ZNF639: variants seen among roughly 807,000 people sequenced by gnomAD.
ZNF639 encodes zinc finger amplified in esophageal squamous cell carcinomas 1.
ZNF639 carries 20 observed loss-of-function variants against 39.8 expected under a neutral mutation model. The observed-to-expected ratio is 0.50, with a 90% confidence interval of 0.35 to 0.73. ZNF639 has a LOEUF of 0.73. Among genes scored for constraint, ZNF639 ranks in the 30% least tolerant of loss-of-function variants. ZNF639 has a pLI of 0.00. For missense variants in ZNF639, 477 were observed against 566.2 expected, an observed-to-expected ratio of 0.84 and a Z score of 1.60; for synonymous variants, 176 against 189.8, an observed-to-expected ratio of 0.93 and a Z score of 0.60.
intron 4 of ZNF639, among the ~76,000 whole-genome samples, chr3:179,332,058 C>T (rs1305937346): frequency 1.3e-5 from 2 of 152,206 alleles, no homozygotes; most frequent in Non-Finnish European, 2.9e-5. Context: ...CCACAGCCAA[C>T]AATAGCATAG....
At chr3:179,323,365 C>G (rs1314492447) in intron 1 of ZNF639, 74 bp downstream of exon 1, 6 of 985,646 alleles carry the variant, frequency 6.1e-6, no homozygotes, top group Non-Finnish European at 7.2e-6. Context: ...GGCGCATCTT[C>G]TAACGGGAGA....
chr3:179,325,746 A>C (rs1290478274), intron 1 of ZNF639, among the ~76,000 whole-genome samples: 2 of 151,948 alleles, frequency 1.3e-5, no homozygotes, highest in Non-Finnish European at 2.9e-5. Flanking sequence ...ACAAAAAATT[A>C]GCCGGGCGCC....
At chr3:179,331,123 T>TA (rs1727879933) in intron 4 of ZNF639, among the ~76,000 whole-genome samples, 1 of 151,990 alleles carries the variant, frequency 6.6e-6, no homozygotes. Context: ...GGAAAGTACT[T>TA]AAAAAAACCT....
chr3:179,326,925 C>T (rs1727626689), intron 1 of ZNF639, among the ~76,000 whole-genome samples: 1 of 152,026 alleles, frequency 6.6e-6, no homozygotes, highest in Non-Finnish European at 1.5e-5. Context: ...CAAGGTGACT[C>T]ACGCCTGTAA....
In ZNF639 at chr3:179,336,871, G is replaced by T. The variant is rs960250160; in HGVS notation, c.*2449G>T. On this transcript the variant is annotated 3_prime_UTR_variant, in exon 6 of 6. Coordinates refer to ENST00000496856, the MANE Select transcript of ZNF639 (RefSeq NM_001303426.2). Reference sequence around the variant, plus strand: ...TTTTATACATCTAGCTCCAGGAATTGGATTTTTGGAAAAACACCTTAAGTA... The same window carrying T: ...TTTTATACATCTAGCTCCAGGAATTTGATTTTTGGAAAAACACCTTAAGTA... The T allele has an allele frequency of 3.3e-5, 5 of 152,136 alleles. No homozygotes were observed. The highest frequency in any genetic ancestry group is 1.2e-4 in the African/African-American group (5 of 41,420). 9.4% of individuals were successfully genotyped at this position (152,136 alleles called of 1,614,324 possible).
At chr3:179,326,039 G>C (rs937778015) in intron 1 of ZNF639, among the ~76,000 whole-genome samples, 9 of 148,836 alleles carry the variant, frequency 6.0e-5, no homozygotes, top group Non-Finnish European at 8.9e-5. Context: ...TTGGTGTTAA[G>C]AGCATTATAG....
intron 4 of ZNF639, among the ~76,000 whole-genome samples, chr3:179,332,065 A>AT (rs1727948913): frequency 6.6e-6 from 1 of 152,242 alleles, no homozygotes; most frequent in African/African-American, 2.4e-5. Flanking sequence ...CAACAATAGC[A>AT]TAGAGAGACA....
Position 179,333,732 on chromosome 3 carries a change from A to G in ZNF639, c.768A>G (p.Glu256=), listed in dbSNP as rs781692840. ...TGATAGAACATGCCAAACTGCATGA[A>G]GAGGATCCCTACATTTGTAAATACT... ...MLLIEHAKLH[E]EDPYICKYCD... Residue 256 remains glutamate (E), a synonymous_variant, in exon 6 of 6, where the codon GAA becomes GAG. Transcript: ENST00000496856. 1.2e-6 allele frequency: 2 copies of G among 1,614,204 alleles called. No individual in the cohort carries two copies. Among genetic ancestry groups the G allele is most frequent in the South Asian group, 1.1e-5 (1 of 91,078 alleles).
rs2108509813 is a variant in ZNF639, at chr3:179,335,300, C to T, written c.*878C>T. Reference sequence around the variant, plus strand: ...AGAGATGAGATCTCGCTATGTTGCCCAGGCCAGTCTCAAACTCCTGGACTC... The same window carrying T: ...AGAGATGAGATCTCGCTATGTTGCCTAGGCCAGTCTCAAACTCCTGGACTC... On this transcript the variant is annotated 3_prime_UTR_variant, in exon 6 of 6. Transcript: ENST00000496856. 6.6e-6 allele frequency: 1 copy of T among 152,334 alleles called. No individual in the cohort carries two copies. The highest frequency in any genetic ancestry group is 2.1e-4 in the South Asian group (1 of 4,820). The allele number at this position is 152,334 out of a possible 1,614,324, so 9.4% of individuals were successfully genotyped here.
chr3:179,323,814 C>G (rs1365286077), intron 1 of ZNF639: 2 of 152,116 alleles, frequency 1.3e-5, no homozygotes, highest in Non-Finnish European at 2.9e-5. Flanking sequence ...CCCAAAGCCT[C>G]CAGCCTGAGA....
At position 179,336,182 on chromosome 3, in the gene ZNF639, A is replaced by G. The variant is rs73043441; in HGVS notation, c.*1760A>G. 0.19 allele frequency: 28,212 copies of G among 152,104 alleles called. 2,666 individuals are homozygous for G. The highest frequency in any genetic ancestry group is 0.24 in the Admixed American group (3,649 of 15,280). 9.4% of individuals were successfully genotyped at this position (152,104 alleles called of 1,614,324 possible). A position where few individuals can be genotyped will look rare whatever the true frequency, so the allele number is the denominator to read the frequency against. On this transcript the variant is annotated 3_prime_UTR_variant, in exon 6 of 6. Transcript: ENST00000496856. ...TTTTAACTTAAAGACCTGATCTCCAAATAAGGTCATATTCTAAGGTGCTGA... is the reference window on the plus strand; with the variant it reads ...TTTTAACTTAAAGACCTGATCTCCAGATAAGGTCATATTCTAAGGTGCTGA...
Position 179,334,075 on chromosome 3 carries a change from A to G in ZNF639, c.1111A>G (p.Lys371Glu), listed in dbSNP as rs1728081164. 2 of 1,613,626 alleles carry G rather than the reference A, an allele frequency of 1.2e-6. No homozygotes were observed. Among genetic ancestry groups the G allele is most frequent in the Non-Finnish European group, 1.7e-6 (2 of 1,179,768 alleles). ...AAGCAAAATTACCTTTGACAAATGT[A>G]AAAACTTCTTTGTATGTCAAGTATG... ...LLSKITFDKCKNFFVCQVCGF... is the reference protein window; with the variant it reads ...LLSKITFDKCENFFVCQVCGF... The change falls in exon 6 of 6, where the codon AAA becomes GAA. Residue 371 changes from lysine (K) to glutamate (E), a missense_variant. Physicochemically the swap from Lys to Glu is moderately conservative, Grantham distance 56 (BLOSUM62 1). Transcript: ENST00000496856.
intron 4 of ZNF639, among the ~76,000 whole-genome samples, chr3:179,330,207 G>A (rs1053516370): frequency 8.6e-5 from 13 of 151,926 alleles, no homozygotes; most frequent in African/African-American, 1.4e-4. Context: ...CACCGTGCCC[G>A]GCTGTAATTT....
chr3:179,332,927 G>C lies in ZNF639; in HGVS notation c.170-62G>C. 2.0e-6 allele frequency: 3 copies of C among 1,470,804 alleles called. 1 individual carries two copies. The highest frequency in any genetic ancestry group is 2.9e-5 in the South Asian group (2 of 68,564). The allele number at this position is 1,470,804 out of a possible 1,614,324, so 91.1% of individuals were successfully genotyped here. On this transcript the variant is annotated intron_variant, in intron 4 of 5. Transcript: ENST00000496856. Reference sequence around the variant, plus strand: ...AATCATATTTAAAAATTGATGCTTTGTTCTATAATTAATGCTTTGATTGTA... The same window carrying C: ...AATCATATTTAAAAATTGATGCTTTCTTCTATAATTAATGCTTTGATTGTA...
rs1489615070 is a variant in ZNF639 at position 179,328,368 on chromosome 3, T to C, written c.58+17T>C. 2 of 1,551,264 alleles carry C rather than the reference T, an allele frequency of 1.3e-6. No individual in the cohort carries two copies. The highest frequency in any genetic ancestry group is 1.7e-6 in the Non-Finnish European group (2 of 1,145,278). On this transcript the variant is annotated intron_variant, in intron 3 of 5. Coordinates refer to ENST00000496856, the MANE Select transcript of ZNF639 (RefSeq NM_001303426.2). ...GTTATTCAGGTCAGTGTATAATTAT[T>C]TTAAAGTTGGGTATGGATTAATTCC...
In ZNF639 at chr3:179,326,230, G is replaced by A. The variant is rs913853160; in HGVS notation, c.-82-1331G>A. Among the ~76,000 whole-genome samples, 3 of 152,044 alleles carry A rather than the reference G, an allele frequency of 2.0e-5. 1 individual carries two copies. The highest frequency in any genetic ancestry group is 4.4e-5 in the Non-Finnish European group (3 of 68,016). ...CCTGTAATCCCAGCCTCCTGCTGGC[G>A]GGCGCCCGTAATCCCGGCCACTCAG... On this transcript the variant is annotated intron_variant, in intron 1 of 5. Transcript: ENST00000496856.
rs775003985 is a variant in ZNF639, at chr3:179,334,234, T to A, written c.1270T>A (p.Ser424Thr). The A allele has an allele frequency of 2.0e-5, 33 of 1,612,670 alleles. No individual in the cohort carries two copies. The highest frequency in any genetic ancestry group is 2.4e-5 in the Non-Finnish European group (28 of 1,179,262). The change falls in exon 6 of 6, where the codon TCA becomes ACA. Residue 424 changes from serine to threonine, a missense_variant. Transcript: ENST00000496856. ...GCTAGAATATTGCAAGCATTTAAAT[T>A]CACATTTATCTGAAGGGATTTATTT... is the stretch of plus-strand genomic sequence containing the variant. Reference protein sequence around the residue: ...SMLEYCKHLNSHLSEGIYLCQ... With the variant: ...SMLEYCKHLNTHLSEGIYLCQ...
intron 1 of ZNF639, among the ~76,000 whole-genome samples, chr3:179,324,634 T>G (rs1003317980): frequency 1.7e-4 from 26 of 152,294 alleles, no homozygotes; most frequent in Admixed American, 3.9e-4. Context: ...CGATAGACAT[T>G]TGGTTATCGT....
intron 4 of ZNF639, among the ~76,000 whole-genome samples, chr3:179,330,286 G>A (rs915856982): frequency 2.0e-5 from 3 of 151,782 alleles, no homozygotes; most frequent in African/African-American, 7.3e-5. Flanking sequence ...TTTTGAAGGG[G>A]GTGGGGTTAG....
Sources: gnomAD v4.1 joint callset for allele counts (sites outside exome capture counted in the v4.1 genomes callset) on GRCh38, gnomAD v4.1.1 for gene constraint, MANE v1.5 for transcripts, NCBI Gene and HGNC (gene_info 2026-07-23, HGNC 2026-07-21) for gene names.